Variants in PRR33 observed in about 807,000 individuals in gnomAD.
PRR33 encodes proline-rich protein 33.
In PRR33, 1 loss-of-function variant was observed where a neutral mutation model predicts 0.5. The ratio of observed to expected loss-of-function variants is 2.18; its 90% CI spans 0.77 to 10.34. PRR33 has a LOEUF of 10.34. Among genes scored for constraint, PRR33 ranks in the 30% most tolerant of loss-of-function variants. PRR33 has a pLI of 0.13. For synonymous variants in PRR33, 226 were observed against 110.0 expected (o/e 2.06, Z -6.60); for missense variants, 552 against 251.8 (o/e 2.19, Z -8.07).
chr11:1,903,772 T>C, the PRR33 span, among the ~76,000 whole-genome samples: 1 of 152,180 alleles, frequency 6.6e-6, no homozygotes, highest in Admixed American at 6.5e-5. Flanking sequence ...TAGATCCTCG[T>C]GATCAACTGA....
exon 1 of PRR33, chr11:1,888,847 A>C: frequency 3.0e-6 from 1 of 336,816 alleles, no homozygotes. Flanking sequence ...CATCTTACCT[A>C]AAGTTTTCAT....
At chr11:1,897,225 C>T in the PRR33 span, among the ~76,000 whole-genome samples, 1 of 152,206 alleles carries the variant, frequency 6.6e-6, no homozygotes, top group Non-Finnish European at 1.5e-5. The surrounding 1 kb of genome is among the most constrained non-coding windows in gnomAD (Gnocchi z 4.0). Flanking sequence ...GAAGGCGGAA[C>T]ATAAACTATG....
At chr11:1,898,712 A>G in the PRR33 span, among the ~76,000 whole-genome samples, 1 of 151,286 alleles carries the variant, frequency 6.6e-6, no homozygotes, top group African/African-American at 2.4e-5. Flanking sequence ...CACCCTCAAC[A>G]TTTTTCACCC....
the PRR33 span, among the ~76,000 whole-genome samples, chr11:1,913,805 A>G: frequency 6.6e-6 from 1 of 152,176 alleles, no homozygotes; most frequent in African/African-American, 2.4e-5. Context: ...TTCCAGTCCT[A>G]GACGCCTCAC....
Position 1,890,005 on chromosome 11 carries a change from G to A in PRR33, c.580C>T (p.Pro194Ser), listed in dbSNP as rs1362613667. 5 of 662,072 alleles carry A rather than the reference G, an allele frequency of 7.6e-6. No homozygotes were observed. In the Admixed American group the frequency reaches 9.3e-5, roughly 12 times the overall value. The allele number at this position is 662,072 out of a possible 1,614,324, so 41.0% of individuals were successfully genotyped here. The change falls in exon 1 of 1, where the codon CCT becomes TCT. Residue 194 changes from proline (P) to serine (S), a missense_variant. Coordinates refer to ENST00000640310, the Ensembl canonical transcript of PRR33. ...TCTGGGGCTGTCCTGGGAGGCTCAG[G>A]GGTCCCATTGTGTGGGGATGGTGCC...
At chr11:1,900,260 T>A in the PRR33 span, among the ~76,000 whole-genome samples, 3 of 152,186 alleles carry the variant, frequency 2.0e-5, no homozygotes, top group African/African-American at 4.8e-5. Context: ...TTAGAAGGGT[T>A]ATCATAGGTA....
chr11:1,892,472 G>T (rs374068627), upstream of PRR33, among the ~76,000 whole-genome samples: 4 of 152,208 alleles, frequency 2.6e-5, no homozygotes, highest in African/African-American at 9.6e-5. Context: ...GGTGGGGTCC[G>T]GGCTTCCTTT....
At chr11:1,888,102 T>C (rs1848832249) in exon 1 of PRR33, among the ~76,000 whole-genome samples, 1 of 152,138 alleles carries the variant, frequency 6.6e-6, no homozygotes, top group South Asian at 2.1e-4. Context: ...ACACATTTAT[T>C]AGTGACCTGG....
At chr11:1,917,612 G>C in the PRR33 span, among the ~76,000 whole-genome samples, 1 of 152,220 alleles carries the variant, frequency 6.6e-6, no homozygotes, top group Non-Finnish European at 1.5e-5. Context: ...TCCCGGTCCG[G>C]CCAGATGGCA....
the PRR33 span, among the ~76,000 whole-genome samples, chr11:1,912,197 T>A: frequency 6.6e-6 from 1 of 151,828 alleles, no homozygotes; most frequent in African/African-American, 2.4e-5. Context: ...ATTAAAAAAA[T>A]AATAATAAAG....
chr11:1,915,246 G>A, the PRR33 span, among the ~76,000 whole-genome samples: 7 of 144,726 alleles, frequency 4.8e-5, no homozygotes, highest in African/African-American at 1.3e-4. Flanking sequence ...GGATGATATT[G>A]CTATGTGTGT....
chr11:1,910,842 T>C, the PRR33 span, among the ~76,000 whole-genome samples: 1 of 152,234 alleles, frequency 6.6e-6, no homozygotes, highest in Non-Finnish European at 1.5e-5. Flanking sequence ...CTTTCATGGG[T>C]GTGCTGACCA....
upstream of PRR33, among the ~76,000 whole-genome samples, chr11:1,893,417 G>T (rs2133153226): frequency 6.8e-6 from 1 of 147,980 alleles, no homozygotes. Context: ...GGATGGGTGG[G>T]TGGGAGGATG....
the PRR33 span, among the ~76,000 whole-genome samples, chr11:1,909,136 G>A: frequency 6.6e-6 from 1 of 152,212 alleles, no homozygotes; most frequent in East Asian, 1.9e-4. Flanking sequence ...TGTAATCCCA[G>A]CACTTTGGGA....
the PRR33 span, among the ~76,000 whole-genome samples, chr11:1,902,088 C>T: frequency 4.7e-4 from 71 of 152,054 alleles, no homozygotes; most frequent in Admixed American, 4.3e-3. Flanking sequence ...AAAAGTTAGC[C>T]GGGCGTGGTG....
chr11:1,907,543 T>C, the PRR33 span, among the ~76,000 whole-genome samples: 1 of 152,270 alleles, frequency 6.6e-6, no homozygotes, highest in Middle Eastern at 3.4e-3. Context: ...TCCCCAGTAG[T>C]TGGGATTACA....
the PRR33 span, among the ~76,000 whole-genome samples, chr11:1,915,791 G>T: frequency 6.8e-6 from 1 of 146,732 alleles, no homozygotes; most frequent in Non-Finnish European, 1.5e-5. Context: ...GGTGGATGAA[G>T]GGAGGGAGGG....
chr11:1,894,500 G>A (rs1276390246), upstream of PRR33, among the ~76,000 whole-genome samples: 33 of 152,160 alleles, frequency 2.2e-4, no homozygotes, highest in Non-Finnish European at 4.4e-5. Context: ...ACCTCCCAGA[G>A]TGCTGGGATT....
chr11:1,911,347 C>G, the PRR33 span, among the ~76,000 whole-genome samples: 21 of 152,200 alleles, frequency 1.4e-4, no homozygotes, highest in African/African-American at 4.8e-4. Context: ...GAGGCCAAGG[C>G]AGGAGAATTG....
Sources: allele counts gnomAD v4.1 joint callset (sites outside exome capture counted in the v4.1 genomes callset), GRCh38; gene constraint gnomAD v4.1.1; non-coding constraint Gnocchi (gnomAD v3.1); transcripts MANE v1.5; gene names NCBI Gene and HGNC (gene_info 2026-07-23, HGNC 2026-07-21).